RALB: variants seen among roughly 807,000 people sequenced by gnomAD.
The protein encoded by RALB is ras-related protein Ral-B.
In RALB, 16 loss-of-function variants were observed where a neutral mutation model predicts 21.3. The ratio of observed to expected loss-of-function variants is 0.75; its 90% CI spans 0.51 to 1.14. RALB has a LOEUF of 1.14. RALB is among the 50% of genes most tolerant of loss of function. The pLI is 0.00. For missense variants in RALB, 161 were observed against 256.2 expected (o/e 0.63, Z 2.54); for synonymous variants, 93 against 96.1 (o/e 0.97, Z 0.19).
chr2:120,268,269 T>A lies in RALB; in HGVS notation c.-47-10349T>A, dbSNP rs549366141. On this transcript the variant is annotated intron_variant, in intron 1 of 4. Coordinates refer to ENST00000272519, the MANE Select transcript of RALB (RefSeq NM_002881.3). ...TGGTCTGGCAGCTTTCAGGGCCCTGTGTCCAGTTGCTCCTGAGTCCCAGCC... is the reference window on the plus strand; with the variant it reads ...TGGTCTGGCAGCTTTCAGGGCCCTGAGTCCAGTTGCTCCTGAGTCCCAGCC... Among the ~76,000 whole-genome samples, 4 of 152,212 alleles carry A rather than the reference T, an allele frequency of 2.6e-5. No homozygotes were observed. In the East Asian group the frequency reaches 7.7e-4, roughly 29 times the overall value.
chr2:120,288,356 T>TTTTC (rs1272505573), intron 3 of RALB, among the ~76,000 whole-genome samples: 1 of 143,860 alleles, frequency 7.0e-6, no homozygotes, highest in African/African-American at 2.6e-5. Flanking sequence ...TTTTTTTTGT[T>TTTTC]TTTTTTTTTG....
chr2:120,279,718 G>T (rs1689938070), intron 2 of RALB, among the ~76,000 whole-genome samples: 1 of 152,134 alleles, frequency 6.6e-6, no homozygotes, highest in Admixed American at 6.5e-5. Flanking sequence ...AGAGTGTTCC[G>T]AGCAGAGCTT....
intron 2 of RALB, among the ~76,000 whole-genome samples, chr2:120,280,188 G>A (rs1337892674): frequency 6.6e-6 from 1 of 152,090 alleles, no homozygotes; most frequent in Non-Finnish European, 1.5e-5. Context: ...CTCAATAGAG[G>A]TTTCCTAAAT....
At chr2:120,265,653 T>C (rs1057356174) in intron 1 of RALB, among the ~76,000 whole-genome samples, 4 of 152,212 alleles carry the variant, frequency 2.6e-5, no homozygotes, top group African/African-American at 9.7e-5. Flanking sequence ...ACAGACCATG[T>C]AGTGGCTCAG....
intron 1 of RALB, among the ~76,000 whole-genome samples, chr2:120,261,310 G>A (rs1037968027): frequency 6.6e-6 from 1 of 152,132 alleles, no homozygotes; most frequent in Admixed American, 6.5e-5. Context: ...TCTTGGGCAT[G>A]GTGGTGGTGG....
intron 1 of RALB, among the ~76,000 whole-genome samples, chr2:120,256,887 C>T (rs1689213126): frequency 6.6e-6 from 1 of 152,196 alleles, no homozygotes; most frequent in South Asian, 2.1e-4. Flanking sequence ...TTAGTCCAGA[C>T]ATCATTGAGA....
rs927574525 is a variant in RALB at position 120,253,307 on chromosome 2, C to G, written c.-48+327C>G. ...CACTTCCTGCCGCGGGCCTCCCGCT[C>G]GGGACCGTCCACTTCCTCAGTCCTC... On this transcript the variant is annotated intron_variant, in intron 1 of 4. Transcript: ENST00000272519. 103 of 824,750 alleles carry G rather than the reference C, an allele frequency of 1.2e-4. No individual in the cohort carries two copies. In the African/African-American group the frequency reaches 1.7e-3, roughly 13 times the overall value. 51.1% of individuals were successfully genotyped at this position (824,750 alleles called of 1,614,324 possible).
rs766695594 is a variant in RALB at position 120,289,741 on chromosome 2, G to A, written c.485G>A (p.Arg162Gln). The A allele has an allele frequency of 1.1e-5, 18 of 1,608,008 alleles. No homozygotes were observed. Among genetic ancestry groups the A allele is most frequent in the Non-Finnish European group, 1.5e-5 (18 of 1,177,018 alleles). Residue 162 changes from arginine (R) to glutamine (Q), a missense_variant, in exon 4 of 5, where the codon CGG becomes CAG. Physicochemically the swap from Arg to Gln is conservative, Grantham distance 43. Transcript: ENST00000272519. ...VQYVETSAKT[R>Q]ANVDKVFFDL... ...TACGTGGAGACGTCAGCGAAGACCC[G>A]GGCCAACGTGGACAAGGTAGGCGTG...
chr2:120,261,972 G>A (rs1689376945), intron 1 of RALB, among the ~76,000 whole-genome samples: 1 of 152,186 alleles, frequency 6.6e-6, no homozygotes. Flanking sequence ...TAGAAGGAAA[G>A]AAAGGGTTTT....
rs764890205 is a variant in RALB at position 120,278,706 on chromosome 2, C to G, written c.42C>G (p.Leu14=). ...GTAAGGGCCAGAGCTCCTTGGCCCT[C>G]CACAAGGTGATCATGGTTGGCAGCG... ...NKSKGQSSLA[L]HKVIMVGSGG... is the part of the protein sequence containing the mutation. The change falls in exon 2 of 5, where the codon CTC becomes CTG. Residue 14 remains leucine, a synonymous_variant. Coordinates refer to ENST00000272519, the MANE Select transcript of RALB (RefSeq NM_002881.3). 3 of 1,598,056 alleles carry G rather than the reference C, an allele frequency of 1.9e-6. No homozygotes were observed. Among genetic ancestry groups the G allele is most frequent in the African/African-American group, 2.7e-5 (2 of 74,358 alleles).
intron 1 of RALB, among the ~76,000 whole-genome samples, chr2:120,261,577 T>C (rs573544197): frequency 9.2e-5 from 14 of 152,136 alleles, no homozygotes; most frequent in African/African-American, 3.4e-4. Context: ...CATAAGTGCA[T>C]TGAGAGTGGA....
At chr2:120,277,657 TTG>T (rs1689849723) in intron 1 of RALB, among the ~76,000 whole-genome samples, 1 of 96,510 alleles carries the variant, frequency 1.0e-5, no homozygotes, top group Non-Finnish European at 2.1e-5. Flanking sequence ...TTTGAAAGTG[TTG>T]TGAGAGCGTT....
chr2:120,264,805 C>T (rs1469715571), intron 1 of RALB, among the ~76,000 whole-genome samples: 1 of 152,176 alleles, frequency 6.6e-6, no homozygotes, highest in Admixed American at 6.5e-5. Flanking sequence ...ATCCTGCTTT[C>T]TGTCTCCCAT....
intron 1 of RALB, among the ~76,000 whole-genome samples, chr2:120,262,775 T>C (rs545818814): frequency 6.6e-6 from 1 of 152,318 alleles, no homozygotes; most frequent in South Asian, 2.1e-4. Flanking sequence ...AAATGCCCAT[T>C]GGTTATGCCT....
chr2:120,275,671 G>T (rs1689775286), intron 1 of RALB, among the ~76,000 whole-genome samples: 1 of 152,076 alleles, frequency 6.6e-6, no homozygotes, highest in Non-Finnish European at 1.5e-5. Flanking sequence ...TTTCTAGTGG[G>T]GATGTTTTCA....
At chr2:120,277,062 G>A (rs1309740402) in intron 1 of RALB, among the ~76,000 whole-genome samples, 1 of 152,158 alleles carries the variant, frequency 6.6e-6, no homozygotes, top group African/African-American at 2.4e-5. Flanking sequence ...ATGCTTTGTT[G>A]TCCCATAATA....
intron 1 of RALB, among the ~76,000 whole-genome samples, chr2:120,263,000 A>AG (rs1689405193): frequency 6.6e-6 from 1 of 152,162 alleles, no homozygotes; most frequent in Admixed American, 6.5e-5. Flanking sequence ...CAGTGGCTGA[A>AG]GGAGGACTCA....
intron 1 of RALB, among the ~76,000 whole-genome samples, chr2:120,263,275 C>T (rs922001784): frequency 1.3e-5 from 2 of 151,670 alleles, no homozygotes; most frequent in Admixed American, 6.6e-5. Context: ...GCTCAGTGGT[C>T]CTCCCACCTC....
chr2:120,275,031 A>G (rs1455643125), intron 1 of RALB, among the ~76,000 whole-genome samples: 2 of 152,208 alleles, frequency 1.3e-5, no homozygotes, highest in African/African-American at 4.8e-5. Context: ...CACTATGAGC[A>G]GCCTGGGACC....
Sources: allele counts gnomAD v4.1 joint callset (sites outside exome capture counted in the v4.1 genomes callset), GRCh38; gene constraint gnomAD v4.1.1; transcripts MANE v1.5; gene names NCBI Gene and HGNC (gene_info 2026-07-23, HGNC 2026-07-21).